The following COP1 variants were observed in gnomAD, a reference collection of about 807,000 sequenced individuals.
The protein encoded by COP1 is E3 ubiquitin-protein ligase COP1.
Under a neutral mutation model 101.3 loss-of-function variants are expected in COP1, and 24 were observed. The ratio of observed to expected loss-of-function variants is 0.24; its 90% CI spans 0.17 to 0.33. The LOEUF (loss-of-function observed/expected upper bound fraction) is 0.33. Ranked by LOEUF, COP1 falls within the 10% of genes least tolerant of loss-of-function variation. COP1 has a pLI of 1.00. For missense variants in COP1, 663 were observed against 906.2 expected, an observed-to-expected ratio of 0.73 and a Z score of 3.45; for synonymous variants, 347 against 341.9, an observed-to-expected ratio of 1.01 and a Z score of -0.17.
At chr1:176,118,735 G>A (rs1056867103) in intron 8 of COP1, among the ~76,000 whole-genome samples, 3 of 152,166 alleles carry the variant, frequency 2.0e-5, no homozygotes, top group African/African-American at 7.2e-5. Context: ...CTGGGCAAGA[G>A]AGAGGCCCTG....
chr1:176,115,935 T>C (rs999038980), intron 9 of COP1, among the ~76,000 whole-genome samples: 1 of 152,134 alleles, frequency 6.6e-6, no homozygotes, highest in African/African-American at 2.4e-5. Flanking sequence ...CTTTATTCCA[T>C]GGAAAAGCTG....
intron 18 of COP1, among the ~76,000 whole-genome samples, chr1:175,981,016 C>A (rs1355561577): frequency 6.6e-6 from 1 of 152,046 alleles, no homozygotes; most frequent in Admixed American, 6.5e-5. Context: ...AGAGTCATAT[C>A]ACAGATCCAC....
intron 5 of COP1, among the ~76,000 whole-genome samples, chr1:176,159,736 T>C (rs985887814): frequency 1.3e-5 from 2 of 152,186 alleles, no homozygotes; most frequent in African/African-American, 2.4e-5. Context: ...CTCTAATTTA[T>C]GCAAACTACT....
chr1:176,196,375 A>G (rs1312734501), intron 1 of COP1, among the ~76,000 whole-genome samples: 3 of 152,194 alleles, frequency 2.0e-5, no homozygotes, highest in African/African-American at 7.2e-5. Context: ...CATTCAAGGA[A>G]AAAAGAAACA....
chr1:176,194,527 A>G (rs189472521), intron 1 of COP1, among the ~76,000 whole-genome samples: 268 of 152,224 alleles, frequency 1.8e-3, no homozygotes, highest in African/African-American at 6.1e-3. Flanking sequence ...AATCCCAGCT[A>G]CTAGGGAGGC....
intron 11 of COP1, among the ~76,000 whole-genome samples, chr1:176,066,365 G>C (rs550014265): frequency 6.6e-6 from 1 of 151,988 alleles, no homozygotes; most frequent in South Asian, 2.1e-4. Context: ...TATTCCACAG[G>C]CCCAGCCACT....
intron 15 of COP1, 28 bp from the exon 16 acceptor site, chr1:175,989,507 T>C (rs1170281829): frequency 2.5e-6 from 3 of 1,222,862 alleles, no homozygotes; most frequent in Non-Finnish European, 3.6e-6. Context: ...TAGATAAATG[T>C]AGTAAATGCA....
At chr1:176,080,541 A>T (rs1307453180) in intron 11 of COP1, among the ~76,000 whole-genome samples, 2 of 152,170 alleles carry the variant, frequency 1.3e-5, no homozygotes. Flanking sequence ...GGAAAAAGGT[A>T]AGAAGAAACA....
intron 8 of COP1, among the ~76,000 whole-genome samples, chr1:176,127,911 T>A (rs924899215): frequency 3.3e-5 from 5 of 152,126 alleles, no homozygotes; most frequent in African/African-American, 1.2e-4. Context: ...ACTTGTTTCA[T>A]CTTTCTGATA....
chr1:176,174,503 C>T (rs1349504767), intron 3 of COP1, among the ~76,000 whole-genome samples: 1 of 152,126 alleles, frequency 6.6e-6, no homozygotes, highest in African/African-American at 2.4e-5. Flanking sequence ...AGCAGAAAAT[C>T]TTCAATTCCT....
intron 18 of COP1, among the ~76,000 whole-genome samples, chr1:175,973,209 C>A (rs1292389976): frequency 6.6e-6 from 1 of 152,080 alleles, no homozygotes; most frequent in Non-Finnish European, 1.5e-5. Flanking sequence ...ATAATCAGTA[C>A]TGGAGTCTGA....
intron 1 of COP1, among the ~76,000 whole-genome samples, chr1:176,184,912 A>G (rs1698256410): frequency 6.6e-6 from 1 of 152,170 alleles, no homozygotes; most frequent in South Asian, 2.1e-4. Flanking sequence ...AGGGTCACTG[A>G]GCTTCAAAAT....
chr1:175,990,498 T>A (rs1658140721), intron 15 of COP1, among the ~76,000 whole-genome samples: 1 of 152,172 alleles, frequency 6.6e-6, no homozygotes, highest in Non-Finnish European at 1.5e-5. Flanking sequence ...GTCTGTTATG[T>A]CAGATTGACA....
chr1:176,007,952 G>A (rs368896791), intron 15 of COP1, among the ~76,000 whole-genome samples: 4 of 152,106 alleles, frequency 2.6e-5, no homozygotes, highest in Non-Finnish European at 5.9e-5. Flanking sequence ...CCTCGCTGCC[G>A]CCTTGCAGTT....
intron 11 of COP1, among the ~76,000 whole-genome samples, chr1:176,051,639 A>G (rs1408184807): frequency 1.3e-5 from 2 of 152,184 alleles, no homozygotes; most frequent in African/African-American, 4.8e-5. Flanking sequence ...GAGGTATTCC[A>G]GAAGATCTTA....
At chr1:176,105,399 T>C (rs1323447382) in intron 9 of COP1, among the ~76,000 whole-genome samples, 2 of 152,202 alleles carry the variant, frequency 1.3e-5, no homozygotes, top group Non-Finnish European at 2.9e-5. Flanking sequence ...TTGAATATAC[T>C]ATATTTTCAG....
intron 1 of COP1, among the ~76,000 whole-genome samples, chr1:176,203,728 TAAAA>T (rs1700534717): frequency 6.6e-6 from 1 of 152,256 alleles, no homozygotes; most frequent in African/African-American, 2.4e-5. Context: ...ATCTTTTGTG[TAAAA>T]TAAAATATAA....
intron 18 of COP1, among the ~76,000 whole-genome samples, chr1:175,962,054 G>C (rs567328429): frequency 6.6e-6 from 1 of 152,166 alleles, no homozygotes; most frequent in African/African-American, 2.4e-5. Context: ...TAATTTATCT[G>C]TGAATTTTAT....
At chr1:176,040,177 T>C (rs564370156) in intron 14 of COP1, among the ~76,000 whole-genome samples, 1 of 152,294 alleles carries the variant, frequency 6.6e-6, no homozygotes, top group Non-Finnish European at 1.5e-5. Flanking sequence ...TATTGTAACA[T>C]GGTACTCTCA....
Sources: gnomAD v4.1 joint callset for allele counts (sites outside exome capture counted in the v4.1 genomes callset) on GRCh38, gnomAD v4.1.1 for gene constraint, MANE v1.5 for transcripts, NCBI Gene and HGNC (gene_info 2026-07-23, HGNC 2026-07-21) for gene names.